The following ARHGAP6 variants were observed in gnomAD, a reference collection of about 807,000 sequenced individuals.
ARHGAP6 encodes Rho GTPase activating protein 6.
ARHGAP6 carries 16 observed loss-of-function variants against 55.7 expected under a neutral mutation model. The observed-to-expected ratio is 0.29, with a 90% confidence interval of 0.19 to 0.44. The LOEUF is 0.44. ARHGAP6 is among the 20% of genes least tolerant of loss of function. The pLI is 1.00. For synonymous variants in ARHGAP6, 382 were observed against 360.9 expected (o/e 1.06, Z -0.66); for missense variants, 698 against 808.9 (o/e 0.86, Z 1.66).
Position 11,137,912 on chromosome X carries a change from G to T in ARHGAP6, c.*951C>A, listed in dbSNP as rs1270433834. 1.8e-5 allele frequency: 2 copies of T among 112,085 alleles called. No individual in the cohort carries two copies. The highest frequency in any genetic ancestry group is 2.8e-4 in the East Asian group (1 of 3,633). The allele number at this position is 112,085 out of a possible 1,213,427, so 9.2% of individuals were successfully genotyped here. ...TTTTTAAGGAATTGCATGTAATTTGGCAAATACTGATTATGGGGCAAAGGG... is the reference window on the plus strand; with the variant it reads ...TTTTTAAGGAATTGCATGTAATTTGTCAAATACTGATTATGGGGCAAAGGG... On this transcript the variant is annotated 3_prime_UTR_variant, in exon 13 of 13. Coordinates refer to ENST00000337414, the MANE Select transcript of ARHGAP6 (RefSeq NM_013427.3).
At chrX:11,598,184 T>G (rs1905995949) in intron 1 of ARHGAP6, among the ~76,000 whole-genome samples, 1 of 111,529 alleles carries the variant, frequency 9.0e-6, no homozygotes, top group East Asian at 2.8e-4. Context: ...GACATTCAAG[T>G]ACCTGGCTTC....
chrX:11,168,440 T>C, intron 9 of ARHGAP6, among the ~76,000 whole-genome samples: 1 of 112,379 alleles, frequency 8.9e-6, no homozygotes, highest in Middle Eastern at 4.6e-3. Flanking sequence ...ATAATGAGTA[T>C]TGAATTACTT....
chrX:11,364,234 A>C (rs1259714010), intron 1 of ARHGAP6, among the ~76,000 whole-genome samples: 1 of 110,540 alleles, frequency 9.0e-6, no homozygotes, highest in Admixed American at 9.7e-5. Context: ...GTGAGGATCG[A>C]AAAACTACCT....
At chrX:11,428,704 G>A (rs915213616) in intron 1 of ARHGAP6, among the ~76,000 whole-genome samples, 3 of 111,907 alleles carry the variant, frequency 2.7e-5, no homozygotes, top group Non-Finnish European at 5.6e-5. Flanking sequence ...CTGTGTAAGA[G>A]GAGAGGGGAG....
At chrX:11,170,140 A>G (rs2046070566) in intron 8 of ARHGAP6, among the ~76,000 whole-genome samples, 1 of 111,793 alleles carries the variant, frequency 8.9e-6, no homozygotes, top group Non-Finnish European at 1.9e-5. Context: ...ATTACAACAT[A>G]GTCCTTATTT....
At chrX:11,189,037 ACT>A in intron 3 of ARHGAP6, 53 bp from the exon 4 acceptor site, 5 of 1,155,795 alleles carry the variant, frequency 4.3e-6, no homozygotes, top group Non-Finnish European at 5.8e-6. Flanking sequence ...TCCAGTGAAC[ACT>A]CTCATTTATG....
intron 2 of ARHGAP6, among the ~76,000 whole-genome samples, chrX:11,241,569 TGTGTGC>T: frequency 9.7e-6 from 1 of 102,726 alleles, no homozygotes; most frequent in African/African-American, 3.7e-5. Context: ...TGTGTGTGTG[TGTGTGC>T]GCGTGTGTCA....
chrX:11,620,455 C>A (rs914638112), intron 1 of ARHGAP6, among the ~76,000 whole-genome samples: 1 of 112,178 alleles, frequency 8.9e-6, no homozygotes, highest in African/African-American at 3.2e-5. Context: ...TCCTCAGGAC[C>A]AGTAATAGTG....
intron 1 of ARHGAP6, among the ~76,000 whole-genome samples, chrX:11,559,929 A>AAAT (rs755756728): frequency 0.13 from 12,650 of 96,071 alleles, 832 homozygotes; most frequent in African/African-American, 0.2. Flanking sequence ...CTCGGTCTCA[A>AAAT]AATAATAATA....
At chrX:11,306,145 C>T (rs1274129722) in intron 1 of ARHGAP6, among the ~76,000 whole-genome samples, 1 of 111,769 alleles carries the variant, frequency 8.9e-6, no homozygotes, top group Non-Finnish European at 1.9e-5. Flanking sequence ...TGAGGTTCCC[C>T]TGTCTCCTTG....
At chrX:11,273,935 T>C (rs1459588983) in intron 1 of ARHGAP6, among the ~76,000 whole-genome samples, 3 of 111,663 alleles carry the variant, frequency 2.7e-5, no homozygotes, top group African/African-American at 9.8e-5. Flanking sequence ...TCTTAAAATG[T>C]GAGGTTTATT....
chrX:11,422,725 G>A (rs1441702480), intron 1 of ARHGAP6, among the ~76,000 whole-genome samples: 1 of 112,443 alleles, frequency 8.9e-6, no homozygotes, highest in Admixed American at 9.4e-5. Flanking sequence ...GTGGGAACAG[G>A]AAAAGTAAAT....
At chrX:11,290,878 A>G (rs2047982458) in intron 1 of ARHGAP6, among the ~76,000 whole-genome samples, 1 of 112,147 alleles carries the variant, frequency 8.9e-6, no homozygotes, top group Admixed American at 9.4e-5. Context: ...CTCCCAGGCC[A>G]GCCCCACTTA....
chrX:11,521,129 T>A (rs899594331), intron 1 of ARHGAP6, among the ~76,000 whole-genome samples: 2 of 112,089 alleles, frequency 1.8e-5, no homozygotes, highest in African/African-American at 6.5e-5. Flanking sequence ...TCTGATAGTA[T>A]TTTCTTTTGC....
chrX:11,332,207 C>T (rs1205457775), intron 1 of ARHGAP6, among the ~76,000 whole-genome samples: 2 of 111,917 alleles, frequency 1.8e-5, no homozygotes, highest in African/African-American at 6.5e-5. Context: ...AGATCCATCC[C>T]CTAGAAATAT....
intron 2 of ARHGAP6, among the ~76,000 whole-genome samples, chrX:11,201,880 G>A (rs1476616719): frequency 2.7e-5 from 3 of 110,979 alleles, no homozygotes; most frequent in Admixed American, 1.9e-4. Flanking sequence ...AATACAAGAT[G>A]AGAGTGGGTG....
chrX:11,458,736 G>T (rs1486645202), intron 1 of ARHGAP6, among the ~76,000 whole-genome samples: 1 of 111,948 alleles, frequency 8.9e-6, no homozygotes, highest in Non-Finnish European at 1.9e-5. Flanking sequence ...GCTAGGCATT[G>T]TTCTAAGAGC....
At chrX:11,223,202 C>T (rs888798182) in intron 2 of ARHGAP6, 7 of 162,198 alleles carry the variant, frequency 4.3e-5, no homozygotes, top group African/African-American at 6.4e-5. Context: ...GGATTGAAAG[C>T]GTTGCAAAAG....
chrX:11,141,462 A>G (rs970541839), intron 12 of ARHGAP6, among the ~76,000 whole-genome samples: 3 of 112,801 alleles, frequency 2.7e-5, no homozygotes, highest in African/African-American at 9.7e-5. Flanking sequence ...ACTGGCATAC[A>G]TAAATAGGAA....
Sources: gnomAD v4.1 joint callset for allele counts (sites outside exome capture counted in the v4.1 genomes callset) on GRCh38, gnomAD v4.1.1 for gene constraint, MANE v1.5 for transcripts, NCBI Gene and HGNC (gene_info 2026-07-23, HGNC 2026-07-21) for gene names.